The following GLT8D1 variants were observed in gnomAD, a reference collection of about 807,000 sequenced individuals.
GLT8D1 encodes the protein glycosyltransferase 8 domain containing 1.
GLT8D1 carries 41 observed loss-of-function variants against 46.2 expected under a neutral mutation model. The observed-to-expected ratio is 0.89, with a 90% CI of 0.69 to 1.15. The LOEUF (loss-of-function observed/expected upper bound fraction) is 1.15, where lower values mean the gene tolerates loss of function less well. Among genes scored for constraint, GLT8D1 ranks in the 50% most tolerant of loss-of-function variants. The pLI, the probability that GLT8D1 is intolerant of heterozygous loss-of-function variation, is 0.00. For synonymous variants in GLT8D1, 150 were observed against 154.2 expected, an observed-to-expected ratio of 0.97 and a Z score of 0.20; for missense variants, 408 against 449.3, an observed-to-expected ratio of 0.91 and a Z score of 0.83.
intron 3 of GLT8D1, among the ~76,000 whole-genome samples, chr3:52,699,904 A>C (rs1012976883): frequency 5.9e-5 from 9 of 152,200 alleles, no homozygotes; most frequent in African/African-American, 1.9e-4. Flanking sequence ...ATTATACAAC[A>C]CAGTGATTTT....
chr3:52,696,832 A>T (rs1319778743), intron 4 of GLT8D1, among the ~76,000 whole-genome samples, 173 bp from the exon 5 acceptor site: 1 of 152,238 alleles, frequency 6.6e-6, no homozygotes, highest in Non-Finnish European at 1.5e-5. Context: ...CCCTCCCTGA[A>T]TTAAGATTGT....
rs760587560 is a variant in GLT8D1 at position 52,697,813 on chromosome 3, C to A, written c.237G>T (p.Gly79=). Residue 79 remains glycine (G), a synonymous_variant, in exon 4 of 10, where the codon GGG becomes GGT. Transcript: ENST00000266014. ...VIAASEDRLG[G]AIAAINSIQH... is the part of the protein sequence containing the mutation. Reference sequence around the variant, plus strand: ...GAATGCTGTTTATAGCTGCAATGGCCCCCCCAAGCCTGTCTTCAGATGCAG... The same window carrying A: ...GAATGCTGTTTATAGCTGCAATGGCACCCCCAAGCCTGTCTTCAGATGCAG... 2.9e-5 allele frequency: 47 copies of A among 1,613,316 alleles called. No homozygotes were observed. Among genetic ancestry groups the A allele is most frequent in the Non-Finnish European group, 3.8e-5 (45 of 1,179,428 alleles).
In GLT8D1 at chr3:52,697,926, T is replaced by G; in HGVS notation, c.124A>C (p.Ile42Leu). Residue 42 changes from isoleucine (I) to leucine (L), a missense_variant, in exon 4 of 10, where the codon ATT (isoleucine) becomes CTT (leucine). Ile to Leu is a conservative substitution (Grantham distance 5). Coordinates refer to ENST00000266014, the MANE Select transcript of GLT8D1 (RefSeq NM_018446.4). ...AAGTCTATAGGTTGAGGCCCTACAA[T>G]TCCTGAATCTGAAAACACAAGGAAG... is the stretch of plus-strand genomic sequence containing the variant. ...LLRNEVTDSG[I>L]VGPQPIDFVP... 3 of 1,605,750 alleles carry G rather than the reference T, an allele frequency of 1.9e-6. No homozygotes were observed. Among genetic ancestry groups the G allele is most frequent in the South Asian group, 1.1e-5 (1 of 90,892 alleles).
In GLT8D1 at chr3:52,695,217, C is replaced by T. The variant is rs760548629; in HGVS notation, c.898G>A (p.Asp300Asn). 1.2e-5 allele frequency: 20 copies of T among 1,613,194 alleles called. No homozygotes were observed. Among genetic ancestry groups the T allele is most frequent in the African/African-American group, 8.0e-5 (6 of 74,938 alleles). ...AGGTGGCGGACATTCCACATAGGATCGATGGTAGAGTGCTGTTGATAAAAT... is the reference window on the plus strand; with the variant it reads ...AGGTGGCGGACATTCCACATAGGATTGATGGTAGAGTGCTGTTGATAAAAT... ...IVFYQQHSTI[D>N]PMWNVRHLGS... Residue 300 changes from aspartate (D) to asparagine (N), a missense_variant, in exon 9 of 10, where the codon GAT becomes AAT. Transcript: ENST00000266014.
intron 1 of GLT8D1, 66 bp from the exon 2 acceptor site, chr3:52,700,562 C>T (rs2097338490): frequency 1.4e-5 from 9 of 657,464 alleles, no homozygotes; most frequent in Admixed American, 5.2e-5. Flanking sequence ...AATGCCCTAA[C>T]ACTTTTTTTT....
intron 1 of GLT8D1, among the ~76,000 whole-genome samples, chr3:52,701,996 A>G (rs2097339777): frequency 6.6e-6 from 1 of 152,232 alleles, no homozygotes; most frequent in Non-Finnish European, 1.5e-5. Context: ...TTAATTTTAC[A>G]AAGCACTTTC....
chr3:52,695,019 T>C lies in GLT8D1; in HGVS notation c.942A>G (p.Lys314=). 6.2e-7 allele frequency: 1 copy of C among 1,611,512 alleles called. No individual in the cohort carries two copies. The highest frequency in any genetic ancestry group is 8.5e-7 in the Non-Finnish European group (1 of 1,177,586). The stretch of plus-strand genomic sequence containing the variant: ...CCTTTACAAACTGAGGTGAATATCG[T>C]TTTCCAGCACTGGAACCTTACATTT... ...NVRHLGSSAG[K]RYSPQFVKAA... Residue 314 remains lysine (K), a synonymous_variant, in exon 10 of 10, where the codon AAA becomes AAG. Coordinates refer to ENST00000266014, the MANE Select transcript of GLT8D1 (RefSeq NM_018446.4).
chr3:52,700,690 TAA>T (rs2097338606), intron 1 of GLT8D1, 194 bp from the exon 2 acceptor site: 1 of 441,342 alleles, frequency 2.3e-6, no homozygotes, highest in African/African-American at 2.0e-5. Flanking sequence ...TACTCATTAA[TAA>T]AAAACTTAAA....
At position 52,697,922 on chromosome 3, in the gene GLT8D1, A is replaced by G. The variant is rs2097335550; in HGVS notation, c.128T>C (p.Val43Ala). 2 of 1,608,344 alleles carry G rather than the reference A, an allele frequency of 1.2e-6. No homozygotes were observed. The highest frequency in any genetic ancestry group is 3.3e-5 in the Admixed American group (2 of 59,992). Residue 43 changes from valine to alanine, a missense_variant, in exon 4 of 10, where the codon GTA becomes GCA. By Grantham distance (64) the Val-to-Ala change is moderately conservative (BLOSUM62 0). Transcript: ENST00000266014. ...GACAAAGTCTATAGGTTGAGGCCCT[A>G]CAATTCCTGAATCTGAAAACACAAG... The part of the protein sequence containing the change: ...LRNEVTDSGI[V>A]GPQPIDFVPN...
At chr3:52,700,071 A>T (rs541867544) in intron 3 of GLT8D1, among the ~76,000 whole-genome samples, 191 bp downstream of exon 3, 1 of 152,218 alleles carries the variant, frequency 6.6e-6, no homozygotes, top group Admixed American at 6.5e-5. Flanking sequence ...TCCTGCTGAC[A>T]TGTGAACAGA....
Position 52,697,917 on chromosome 3 carries a change from G to C in GLT8D1, c.133C>G (p.Pro45Ala). Reference protein sequence around the residue: ...NEVTDSGIVGPQPIDFVPNAL... With the variant: ...NEVTDSGIVGAQPIDFVPNAL... The stretch of plus-strand genomic sequence containing the variant: ...TTTGGGACAAAGTCTATAGGTTGAG[G>C]CCCTACAATTCCTGAATCTGAAAAC... Residue 45 changes from proline (P) to alanine (A), a missense_variant, in exon 4 of 10, where the codon CCT becomes GCT. Pro to Ala is a conservative substitution (Grantham distance 27, BLOSUM62 -1). Transcript: ENST00000266014. 6.2e-7 allele frequency: 1 copy of C among 1,610,256 alleles called. No individual in the cohort carries two copies. Among genetic ancestry groups the C allele is most frequent in the African/African-American group, 1.3e-5 (1 of 74,960 alleles).
At chr3:52,700,870 T>C (rs2154100686) in intron 1 of GLT8D1, among the ~76,000 whole-genome samples, 1 of 152,168 alleles carries the variant, frequency 6.6e-6, no homozygotes, top group South Asian at 2.1e-4. Flanking sequence ...AAGACCAGCC[T>C]GGCCAAGATG....
At chr3:52,697,176 C>G (rs902142561) in intron 4 of GLT8D1, among the ~76,000 whole-genome samples, 4 of 152,186 alleles carry the variant, frequency 2.6e-5, no homozygotes, top group African/African-American at 9.7e-5. Flanking sequence ...CAAAATGTTT[C>G]AGAAATTTGA....
intron 3 of GLT8D1, among the ~76,000 whole-genome samples, chr3:52,699,863 T>A (rs754749949): frequency 6.6e-6 from 1 of 152,210 alleles, no homozygotes; most frequent in African/African-American, 2.4e-5. Flanking sequence ...GAGAACAGTA[T>A]GAACGACTAA....
intron 5 of GLT8D1, 82 bp from the exon 6 acceptor site, chr3:52,696,400 G>A: frequency 9.1e-7 from 1 of 1,104,152 alleles, no homozygotes; most frequent in Non-Finnish European, 1.4e-6. Context: ...GATGCTTTCA[G>A]TACCCATTCA....
At chr3:52,700,581 A>G (rs1449949194) in intron 1 of GLT8D1, 85 bp from the exon 2 acceptor site, 2 of 601,194 alleles carry the variant, frequency 3.3e-6, no homozygotes, top group Non-Finnish European at 5.9e-6. Flanking sequence ...TTTTTTTTTA[A>G]TTCAGGAAGA....
chr3:52,699,733 A>G (rs934706996), intron 3 of GLT8D1, among the ~76,000 whole-genome samples: 1 of 152,122 alleles, frequency 6.6e-6, no homozygotes, highest in Non-Finnish European at 1.5e-5. Flanking sequence ...CTATCAGAGC[A>G]CTCCGTGAAA....
Position 52,695,957 on chromosome 3 carries a change from T to A in GLT8D1, c.616A>T (p.Lys206Ter). Residue 206 changes from lysine (K) to a stop codon, truncating the protein, a stop_gained, in exon 7 of 10, where the codon AAA (lysine) becomes TAA (stop). Transcript: ENST00000266014. LOFTEE classifies it high-confidence loss of function. ...TTTCCTGCTCCACGGATGACAACTT[T>A]AGTAGAGGCTGAATCACAATCTTCT... ...FSEDCDSAST[K>*]VVIRGAGNQY... is the part of the protein sequence containing the mutation. 6.2e-7 allele frequency: 1 copy of A among 1,610,198 alleles called. No individual in the cohort carries two copies. The highest frequency in any genetic ancestry group is 8.5e-7 in the Non-Finnish European group (1 of 1,176,404).
chr3:52,697,732 T>G lies in GLT8D1; in HGVS notation c.318A>C (p.Ala106=). ...TAAGCAGAGCTCACCGGAGATGGTC[T>G]GCTGTATTGTTGAGAGTAACAATGT... ...IFYIVTLNNT[A]DHLRSWLNSD... is the part of the protein sequence containing the mutation. The change falls in exon 4 of 10, where the codon GCA becomes GCC. Residue 106 remains alanine (A), a synonymous_variant. Coordinates refer to ENST00000266014, the MANE Select transcript of GLT8D1 (RefSeq NM_018446.4). 1 of 1,607,938 alleles carries G rather than the reference T, an allele frequency of 6.2e-7. No homozygotes were observed. The highest frequency in any genetic ancestry group is 8.5e-7 in the Non-Finnish European group (1 of 1,174,276).
Sources: allele counts gnomAD v4.1 joint callset (sites outside exome capture counted in the v4.1 genomes callset), GRCh38; gene constraint gnomAD v4.1.1; transcripts MANE v1.5; gene names NCBI Gene and HGNC (gene_info 2026-07-23, HGNC 2026-07-21).